CCDC7: variants seen among roughly 807,000 people sequenced by gnomAD.
CCDC7 encodes the protein coiled-coil domain-containing protein 7.
Under a neutral mutation model 196.9 loss-of-function variants are expected in CCDC7, and 183 were observed. The ratio of observed to expected loss-of-function variants is 0.93; its 90% confidence interval spans 0.82 to 1.05. The LOEUF is 1.05. Ranked by LOEUF, CCDC7 falls within the 50% of genes least tolerant of loss-of-function variation. The pLI is 0.00. For synonymous variants in CCDC7, 525 were observed against 484.6 expected, an observed-to-expected ratio of 1.08 and a Z score of -1.10; for missense variants, 1,540 against 1,482.2, an observed-to-expected ratio of 1.04 and a Z score of -0.64.
At chr10:32,682,837 G>A (rs1318631739) in intron 21 of CCDC7, among the ~76,000 whole-genome samples, 1 of 151,926 alleles carries the variant, frequency 6.6e-6, no homozygotes, top group East Asian at 1.9e-4. Flanking sequence ...TTTTTAATGG[G>A]GTTCTTTGGT....
intron 11 of CCDC7, among the ~76,000 whole-genome samples, chr10:32,536,806 G>C (rs1037545559): frequency 9.2e-5 from 14 of 152,100 alleles, no homozygotes; most frequent in African/African-American, 3.1e-4. Flanking sequence ...AGCTCCATCT[G>C]TGTTGCTGCA....
intron 20 of CCDC7, among the ~76,000 whole-genome samples, chr10:32,651,056 C>A (rs2068671194): frequency 6.6e-6 from 1 of 152,110 alleles, no homozygotes; most frequent in Admixed American, 6.5e-5. Context: ...ATGCTTATGG[C>A]TGAGCTTTGC....
At chr10:32,772,871 C>A (rs1214790462) in intron 28 of CCDC7, among the ~76,000 whole-genome samples, 1 of 152,140 alleles carries the variant, frequency 6.6e-6, no homozygotes, top group Admixed American at 6.5e-5. Context: ...GGACTGGGAG[C>A]CCTTCACCTG....
At chr10:32,517,906 G>A (rs112185631) in intron 9 of CCDC7, 39 bp from the exon 11 acceptor site, 1 of 1,565,300 alleles carries the variant, frequency 6.4e-7, no homozygotes, top group East Asian at 2.4e-5. Flanking sequence ...AAATATAAAT[G>A]TACAATTATA....
intron 9 of CCDC7, among the ~76,000 whole-genome samples, chr10:32,496,825 T>C (rs1346323312): frequency 6.6e-6 from 1 of 152,244 alleles, no homozygotes; most frequent in Non-Finnish European, 1.5e-5. Flanking sequence ...TCATTGATGT[T>C]CATCAGGGAT....
At chr10:32,556,456 A>G (rs926191722) in intron 13 of CCDC7, among the ~76,000 whole-genome samples, 10 of 152,070 alleles carry the variant, frequency 6.6e-5, no homozygotes, top group Admixed American at 6.5e-4. Flanking sequence ...ATCATATCTC[A>G]AATTTTTTAT....
chr10:32,651,934 A>G (rs1036038179), intron 20 of CCDC7, among the ~76,000 whole-genome samples: 11 of 152,222 alleles, frequency 7.2e-5, no homozygotes, highest in African/African-American at 2.7e-4. Context: ...TGCTTGTCCA[A>G]GATGGCAATG....
At chr10:32,612,199 C>G (rs2062225621) in intron 18 of CCDC7, among the ~76,000 whole-genome samples, 1 of 152,016 alleles carries the variant, frequency 6.6e-6, no homozygotes, top group Non-Finnish European at 1.5e-5. Context: ...TGGGAGTTCA[C>G]TCATGATTTG....
chr10:32,835,762 A>T (rs1207668204), intron 33 of CCDC7, among the ~76,000 whole-genome samples: 1 of 152,094 alleles, frequency 6.6e-6, no homozygotes, highest in Non-Finnish European at 1.5e-5. Context: ...TGATGAAATA[A>T]TCTGTACAAC....
intron 32 of CCDC7, among the ~76,000 whole-genome samples, chr10:32,830,252 AG>A (rs2092020351): frequency 1.3e-5 from 2 of 149,246 alleles, no homozygotes; most frequent in Admixed American, 1.4e-4. Flanking sequence ...TCAGTAAAAT[AG>A]AAAATAGTCC....
intron 28 of CCDC7, among the ~76,000 whole-genome samples, chr10:32,754,143 C>T (rs995812881): frequency 9.2e-5 from 14 of 151,950 alleles, no homozygotes; most frequent in Non-Finnish European, 1.8e-4. Context: ...TGATACAACA[C>T]GATTATTACT....
intron 28 of CCDC7, among the ~76,000 whole-genome samples, chr10:32,733,226 TACTC>T (rs2084284005): frequency 1.3e-5 from 2 of 152,138 alleles, no homozygotes; most frequent in African/African-American, 4.8e-5. Flanking sequence ...ACACTTTACA[TACTC>T]AGTCTATAAC....
intron 28 of CCDC7, among the ~76,000 whole-genome samples, chr10:32,768,506 CT>C (rs772322578): frequency 7.9e-5 from 12 of 151,996 alleles, no homozygotes; most frequent in African/African-American, 1.9e-4. Context: ...ATTTTGATGC[CT>C]TTTATTTTTT....
At chr10:32,876,929 T>C (rs373104018), downstream of CCDC7, 1 of 152,128 alleles carries the variant, frequency 6.6e-6, no homozygotes, top group East Asian at 1.9e-4. Context: ...GGCTATAAAA[T>C]TGTCCTAAAC....
At chr10:32,712,301 C>T (rs1043028869) in intron 25 of CCDC7, among the ~76,000 whole-genome samples, 1 of 152,102 alleles carries the variant, frequency 6.6e-6, no homozygotes, top group Non-Finnish European at 1.5e-5. Flanking sequence ...TTTTACTTTT[C>T]GAGTCAGAGC....
At chr10:32,541,873 T>A (rs1320128635) in intron 11 of CCDC7, among the ~76,000 whole-genome samples, 1 of 152,206 alleles carries the variant, frequency 6.6e-6, no homozygotes, top group Non-Finnish European at 1.5e-5. Context: ...CCCTTTCACA[T>A]GTTGGAAAAT....
chr10:32,579,772 T>C (rs1247989367), intron 16 of CCDC7, among the ~76,000 whole-genome samples: 2 of 152,074 alleles, frequency 1.3e-5, no homozygotes, highest in African/African-American at 4.8e-5. Context: ...GAACAAGCAA[T>C]TTGTTCTTTC....
At position 32,544,505 on chromosome 10, in the gene CCDC7, T is replaced by C. The variant is rs1589717957; in HGVS notation, c.1134+204T>C. 6 of 377,790 alleles carry C rather than the reference T, an allele frequency of 1.6e-5. No homozygotes were observed. The East Asian group carries it at 2.1e-4, about 13-fold the overall frequency. The allele number at this position is 377,790 out of a possible 1,614,324, so 23.4% of individuals were successfully genotyped here. ...ACTCTTCTCATCAAAGTTCAGAGAA[T>C]GAAATGTCAAACCCAGGCATATTTA... On this transcript the variant is annotated intron_variant, in intron 13 of 41. Coordinates refer to ENST00000639629, the Ensembl canonical transcript of CCDC7.
chr10:32,553,451 G>A (rs990454454), intron 13 of CCDC7, among the ~76,000 whole-genome samples: 1 of 152,126 alleles, frequency 6.6e-6, no homozygotes, highest in African/African-American at 2.4e-5. Flanking sequence ...GTCCATTGCT[G>A]ATGAAGTATT....
Sources: allele counts gnomAD v4.1 joint callset (sites outside exome capture counted in the v4.1 genomes callset), GRCh38; gene constraint gnomAD v4.1.1; transcripts MANE v1.5; gene names NCBI Gene and HGNC (gene_info 2026-07-23, HGNC 2026-07-21).